The following ARHGAP35 variants were observed in gnomAD, a reference collection of about 807,000 sequenced individuals.
The protein encoded by ARHGAP35 is rho GTPase-activating protein 35.
In ARHGAP35, 15 loss-of-function variants were observed where a neutral mutation model predicts 111.1. The observed-to-expected ratio is 0.13, with a 90% confidence interval of 0.09 to 0.21. ARHGAP35 has a LOEUF of 0.21. Ranked by LOEUF, ARHGAP35 falls within the 10% of genes least tolerant of loss-of-function variation. The probability of loss-of-function intolerance (pLI) is 1.00; values close to 1 mark genes in which losing one functional copy is unlikely to be tolerated. For missense variants in ARHGAP35, 1,262 were observed against 1,873.0 expected (o/e 0.67, Z 6.02); for synonymous variants, 643 against 710.3 (o/e 0.91, Z 1.51).
rs903209201 is a variant in ARHGAP35, at chr19:46,952,600, C to A, written c.3826+15192C>A. Among the ~76,000 whole-genome samples the A allele has an allele frequency of 2.0e-5, 3 of 152,366 alleles. No homozygotes were observed. In the East Asian group the frequency reaches 5.8e-4, roughly 29 times the overall value. ...TCTTTCACATTGCTGAGCCTCTGTT[C>A]TTCCTCTGCAAAATGCAGCTAATAA... On this transcript the variant is annotated intron_variant, in intron 3 of 6. Coordinates refer to ENST00000672722, the MANE Select transcript of ARHGAP35 (RefSeq NM_004491.5).
chr19:46,874,180 T>C (rs959657536), intron 1 of ARHGAP35, among the ~76,000 whole-genome samples: 4 of 152,178 alleles, frequency 2.6e-5, no homozygotes, highest in Admixed American at 6.5e-5. Flanking sequence ...TTCCAGAGGA[T>C]AGAGGTAGAG....
At chr19:46,893,422 A>G (rs1414990189) in intron 1 of ARHGAP35, among the ~76,000 whole-genome samples, 11 of 152,106 alleles carry the variant, frequency 7.2e-5, no homozygotes, top group Admixed American at 5.9e-4. Flanking sequence ...TTGCCACCAG[A>G]CAAGACCCCT....
chr19:46,862,452 C>T (rs1280231953), intron 1 of ARHGAP35, among the ~76,000 whole-genome samples: 1 of 152,070 alleles, frequency 6.6e-6, no homozygotes, highest in Non-Finnish European at 1.5e-5. Flanking sequence ...CTCTCCTCCC[C>T]GTTTTAGCCC....
intron 1 of ARHGAP35, among the ~76,000 whole-genome samples, chr19:46,867,607 C>T (rs898657142): frequency 6.6e-6 from 1 of 152,166 alleles, no homozygotes. Context: ...ACTTGATTGT[C>T]ATCTCTCTCT....
chr19:46,943,456 G>A (rs1209758073), intron 3 of ARHGAP35, among the ~76,000 whole-genome samples: 1 of 152,164 alleles, frequency 6.6e-6, no homozygotes, highest in Non-Finnish European at 1.5e-5. Context: ...GTGAGCTAGT[G>A]TTTTCCCCAA....
rs1456934884 is a variant in ARHGAP35 at position 46,993,428 on chromosome 19, C to T, written c.4036+3753C>T. ...CCTGGCTGCCAGTGATGGCAAGTGG[C>T]GCAGCACAGCCAGGGCAGGAGTGTT... On this transcript the variant is annotated intron_variant, in intron 5 of 6. Coordinates refer to ENST00000672722, the MANE Select transcript of ARHGAP35 (RefSeq NM_004491.5). The surrounding 1 kb of genome is among the most constrained non-coding windows in gnomAD (Gnocchi z 4.6). Among the ~76,000 whole-genome samples, 2 of 152,222 alleles carry T rather than the reference C, an allele frequency of 1.3e-5. No homozygotes were observed. The highest frequency in any genetic ancestry group is 2.4e-5 in the African/African-American group (1 of 41,458).
intron 3 of ARHGAP35, among the ~76,000 whole-genome samples, chr19:46,943,512 G>A (rs2056361652): frequency 6.6e-6 from 1 of 152,132 alleles, no homozygotes; most frequent in African/African-American, 2.4e-5. Flanking sequence ...AGGGAAAGCT[G>A]GTGCTGCCAC....
At chr19:46,939,469 G>T (rs1180980768) in intron 3 of ARHGAP35, among the ~76,000 whole-genome samples, 5 of 151,574 alleles carry the variant, frequency 3.3e-5, no homozygotes, top group African/African-American at 1.2e-4. Context: ...GAGTGCAGTG[G>T]CACGATCTAG....
chr19:46,912,381 G>A (rs1299978156), intron 1 of ARHGAP35, among the ~76,000 whole-genome samples: 1 of 141,172 alleles, frequency 7.1e-6, no homozygotes, highest in Non-Finnish European at 1.5e-5. Context: ...TTGAGACAGA[G>A]TCTTGCTCTG....
intron 3 of ARHGAP35, among the ~76,000 whole-genome samples, chr19:46,941,467 C>T (rs1035257059): frequency 1.1e-4 from 16 of 151,792 alleles, no homozygotes; most frequent in African/African-American, 3.6e-4. Context: ...ACCCTGGAGG[C>T]CGAGGTGGGA....
At chr19:46,887,080 G>A (rs753790138) in intron 1 of ARHGAP35, among the ~76,000 whole-genome samples, 12 of 152,036 alleles carry the variant, frequency 7.9e-5, no homozygotes, top group African/African-American at 2.9e-4. Context: ...GTGTACATCC[G>A]TCTCATGTTT....
intron 1 of ARHGAP35, among the ~76,000 whole-genome samples, chr19:46,915,165 ATG>A (rs1349059563): frequency 4.6e-5 from 7 of 152,190 alleles, no homozygotes; most frequent in Non-Finnish European, 7.3e-5. Context: ...ATTTCAGAGG[ATG>A]TGTGTAAACA....
At chr19:46,944,841 T>A (rs1479053803) in intron 3 of ARHGAP35, among the ~76,000 whole-genome samples, 3 of 152,196 alleles carry the variant, frequency 2.0e-5, no homozygotes, top group African/African-American at 4.8e-5. Context: ...ATATTTTCCC[T>A]TCTCAGGTTA....
chr19:46,961,067 G>T (rs1445340851), intron 3 of ARHGAP35, among the ~76,000 whole-genome samples: 1 of 151,966 alleles, frequency 6.6e-6, no homozygotes, highest in Non-Finnish European at 1.5e-5. Flanking sequence ...GCTAATTTTT[G>T]TATTTTTAGT....
In ARHGAP35 at chr19:47,000,202, G is replaced by T. The variant is rs2056738492; in HGVS notation, c.4143-129G>T. 1.7e-5 allele frequency: 17 copies of T among 981,072 alleles called. No individual in the cohort carries two copies. The highest frequency in any genetic ancestry group is 2.6e-5 in the Non-Finnish European group (17 of 658,708). 60.8% of individuals were successfully genotyped at this position (981,072 alleles called of 1,614,324 possible). A position where few individuals can be genotyped will look rare whatever the true frequency, so the allele number is the denominator to read the frequency against. ...CAGGCAGGGCAGGGTACAGAGAGCT[G>T]CGCATGGCCTTTTCTGCTCCACCTG... is the stretch of plus-strand genomic sequence containing the variant. On this transcript the variant is annotated intron_variant, in intron 6 of 6. Coordinates refer to ENST00000672722, the MANE Select transcript of ARHGAP35 (RefSeq NM_004491.5). The surrounding 1 kb of genome is among the most constrained non-coding windows in gnomAD (Gnocchi z 6.9).
chr19:46,912,800 A>T (rs1312384927), intron 1 of ARHGAP35, among the ~76,000 whole-genome samples: 2 of 125,834 alleles, frequency 1.6e-5, no homozygotes, highest in African/African-American at 6.1e-5. Context: ...CACCCCTCCC[A>T]CCCCCCAACT....
At chr19:46,928,948 T>C (rs1451080328) in intron 2 of ARHGAP35, among the ~76,000 whole-genome samples, 3 of 150,462 alleles carry the variant, frequency 2.0e-5, no homozygotes, top group African/African-American at 7.3e-5. Context: ...AAAGCTATGG[T>C]CTGGATTTAG....
intron 1 of ARHGAP35, among the ~76,000 whole-genome samples, chr19:46,868,267 T>C (rs575437850): frequency 6.6e-6 from 1 of 152,214 alleles, no homozygotes; most frequent in African/African-American, 2.4e-5. Context: ...AGAATCCAGA[T>C]CTGTCTGATT....
intron 3 of ARHGAP35, among the ~76,000 whole-genome samples, chr19:46,965,739 C>T (rs759346949): frequency 2.6e-5 from 4 of 152,182 alleles, no homozygotes; most frequent in Admixed American, 6.5e-5. Flanking sequence ...CCTGCCTCAG[C>T]CTCCCAAAGT....
Sources: gnomAD v4.1 joint callset for allele counts (sites outside exome capture counted in the v4.1 genomes callset) on GRCh38, gnomAD v4.1.1 for gene constraint, Gnocchi (gnomAD v3.1) non-coding constraint, MANE v1.5 for transcripts, NCBI Gene and HGNC (gene_info 2026-07-23, HGNC 2026-07-21) for gene names.